The following ADK variants were observed in gnomAD, a reference collection of about 807,000 sequenced individuals.
ADK encodes adenosine kinase.
ADK carries 24 observed loss-of-function variants against 44.7 expected under a neutral mutation model. The observed-to-expected ratio is 0.54, with a 90% CI of 0.39 to 0.76. The LOEUF is 0.76. ADK is among the 30% of genes least tolerant of loss of function. The pLI is 0.00. For synonymous variants in ADK, 128 were observed against 142.6 expected (o/e 0.90, Z 0.73); for missense variants, 321 against 425.1 (o/e 0.76, Z 2.15).
chr10:74,620,313 T>C (rs1326750302), intron 9 of ADK, among the ~76,000 whole-genome samples: 1 of 152,238 alleles, frequency 6.6e-6, no homozygotes, highest in Non-Finnish European at 1.5e-5. Context: ...TTCTACTTTT[T>C]ACTTCTGTGA....
Position 74,687,726 on chromosome 10 carries a change from A to C in ADK, c.964+17457A>C, listed in dbSNP as rs529480825. Among the ~76,000 whole-genome samples the C allele has an allele frequency of 7.2e-5, 11 of 152,142 alleles. 1 individual carries two copies. The highest frequency in any genetic ancestry group is 1.6e-4 in the Non-Finnish European group (11 of 68,020). ...CTAGACGCCCTTCCTGAGTCCTTCCATTCCCTCTCTCCAAACCGTCAGTGA... is the reference window on the plus strand; with the variant it reads ...CTAGACGCCCTTCCTGAGTCCTTCCCTTCCCTCTCTCCAAACCGTCAGTGA... On this transcript the variant is annotated intron_variant, in intron 10 of 10. Transcript: ENST00000539909.
chr10:74,671,242 G>A (rs1016036436), intron 10 of ADK, among the ~76,000 whole-genome samples: 1 of 147,360 alleles, frequency 6.8e-6, no homozygotes, highest in Non-Finnish European at 1.5e-5. Context: ...TTTTCTCCCA[G>A]GCTGGTGTGC....
chr10:74,420,565 A>T (rs1324426162), intron 6 of ADK, among the ~76,000 whole-genome samples: 1 of 152,180 alleles, frequency 6.6e-6, no homozygotes, highest in Admixed American at 6.5e-5. Context: ...TGTAGGTTCT[A>T]TCCCTGGAAA....
At chr10:74,230,260 T>A (rs1003485201) in intron 3 of ADK, among the ~76,000 whole-genome samples, 1 of 152,012 alleles carries the variant, frequency 6.6e-6, no homozygotes, top group Non-Finnish European at 1.5e-5. Context: ...CCCGGTTTTT[T>A]TTGTATCTTT....
rs537920435 is a variant in ADK, at chr10:74,602,063, C to G, written c.877+1570C>G. 2.8e-5 allele frequency among the ~76,000 whole-genome samples: 4 copies of G among 144,768 alleles called. No homozygotes were observed. The East Asian group carries it at 8.1e-4, about 29-fold the overall frequency. The allele number at this position is 144,768 out of a possible 152,430, so 95.0% of individuals were successfully genotyped here. ...GAGGCTGTGTTGAGCTATGATCTCT[C>G]CACTGCACCCCAGCATGGATGACAG... On this transcript the variant is annotated intron_variant, in intron 9 of 10. Transcript: ENST00000539909.
chr10:74,508,799 T>G (rs1848183278), intron 6 of ADK, among the ~76,000 whole-genome samples: 1 of 152,212 alleles, frequency 6.6e-6, no homozygotes, highest in South Asian at 2.1e-4. Context: ...TACATTTGGA[T>G]GTGTCCTTTA....
chr10:74,308,852 G>A (rs945740326), intron 3 of ADK, among the ~76,000 whole-genome samples: 8 of 151,912 alleles, frequency 5.3e-5, no homozygotes, highest in African/African-American at 1.9e-4. Context: ...ACTCTCATAT[G>A]CTCACTCGCT....
At chr10:74,192,392 T>C (rs1038696231) in intron 1 of ADK, among the ~76,000 whole-genome samples, 1 of 152,088 alleles carries the variant, frequency 6.6e-6, no homozygotes, top group African/African-American at 2.4e-5. Flanking sequence ...CACACCCAGC[T>C]AATTTTTCTG....
chr10:74,579,799 G>C (rs925103490), intron 7 of ADK, among the ~76,000 whole-genome samples: 4 of 152,264 alleles, frequency 2.6e-5, no homozygotes, highest in South Asian at 4.1e-4. Context: ...AGTATGCTAG[G>C]AAACTACTTA....
chr10:74,185,498 TA>T (rs911054134), intron 1 of ADK, among the ~76,000 whole-genome samples: 2 of 146,918 alleles, frequency 1.4e-5, no homozygotes, highest in Non-Finnish European at 1.5e-5. Flanking sequence ...CTGTTCACTT[TA>T]AAAAAAAATG....
At chr10:74,169,384 C>T (rs1028117348) in intron 1 of ADK, among the ~76,000 whole-genome samples, 11 of 152,058 alleles carry the variant, frequency 7.2e-5, no homozygotes, top group Non-Finnish European at 1.5e-4. Context: ...ATGTTCTGTG[C>T]AGCATAAATA....
intron 7 of ADK, among the ~76,000 whole-genome samples, chr10:74,564,677 C>T (rs940401967): frequency 2.6e-5 from 4 of 152,070 alleles, no homozygotes; most frequent in African/African-American, 7.2e-5. Context: ...TGTGTGTTTG[C>T]ATTCTTCCTA....
chr10:74,693,787 A>G (rs948453098), intron 10 of ADK, among the ~76,000 whole-genome samples: 1 of 152,152 alleles, frequency 6.6e-6, no homozygotes, highest in Admixed American at 6.5e-5. Flanking sequence ...AATAGTGATG[A>G]TTTTTATGTG....
At chr10:74,431,119 A>G (rs1844980127) in intron 6 of ADK, among the ~76,000 whole-genome samples, 1 of 148,624 alleles carries the variant, frequency 6.7e-6, no homozygotes, top group African/African-American at 2.5e-5. Context: ...AGATGATGGT[A>G]GCTTAGACTT....
rs71024514 is a variant in ADK at position 74,547,484 on chromosome 10, AT to A, written c.726+22073del. On this transcript the variant is annotated intron_variant, in intron 7 of 10. Coordinates refer to ENST00000539909, the MANE Select transcript of ADK (RefSeq NM_006721.4). Reference sequence around the variant, plus strand: ...TTTATTTATTTATTTTTATTTTATTATTTTTTTTTTTTTTTGGAGACAGAGC... The same window carrying A: ...TTTATTTATTTATTTTTATTTTATTATTTTTTTTTTTTTTGGAGACAGAGC... 4.4e-4 allele frequency among the ~76,000 whole-genome samples: 54 copies of A among 122,278 alleles called. No homozygotes were observed. In the South Asian group the frequency reaches 5.2e-3, roughly 12 times the overall value. 80.2% of individuals were successfully genotyped at this position (122,278 alleles called of 152,430 possible).
At chr10:74,170,551 C>T (rs1842132345) in intron 1 of ADK, among the ~76,000 whole-genome samples, 1 of 152,010 alleles carries the variant, frequency 6.6e-6, no homozygotes, top group South Asian at 2.1e-4. Flanking sequence ...GTAATCCTAG[C>T]ACTTTGGGAG....
At chr10:74,505,028 C>T (rs898889681) in intron 6 of ADK, among the ~76,000 whole-genome samples, 4 of 152,056 alleles carry the variant, frequency 2.6e-5, no homozygotes, top group African/African-American at 9.7e-5. Context: ...AGTCTTCACA[C>T]TGAGCAGGCT....
chr10:74,469,970 T>A (rs1474589266), intron 6 of ADK, among the ~76,000 whole-genome samples: 8 of 151,998 alleles, frequency 5.3e-5, no homozygotes. Context: ...ATGACAGGAT[T>A]TCCTTCTCTC....
At chr10:74,634,625 C>G (rs910427338) in intron 9 of ADK, among the ~76,000 whole-genome samples, 55 of 151,898 alleles carry the variant, frequency 3.6e-4, no homozygotes, top group African/African-American at 1.3e-3. Context: ...TAGAAATTAT[C>G]AAGTGTGGAA....
Sources: gnomAD v4.1 joint callset for allele counts (sites outside exome capture counted in the v4.1 genomes callset) on GRCh38, gnomAD v4.1.1 for gene constraint, MANE v1.5 for transcripts, NCBI Gene and HGNC (gene_info 2026-07-23, HGNC 2026-07-21) for gene names.